HS3ST4: variants seen among roughly 807,000 people sequenced by gnomAD.
HS3ST4 encodes heparan sulfate-glucosamine 3-sulfotransferase 4, also known as heparan sulfate glucosamine 3-O-sulfotransferase 4.
A neutral mutation model predicts 29.2 loss-of-function variants in HS3ST4; 17 were observed. That is an observed-to-expected ratio of 0.58 (90% CI 0.40 to 0.87). The LOEUF (loss-of-function observed/expected upper bound fraction) is 0.87. Among genes scored for constraint, HS3ST4 ranks in the 40% least tolerant of loss-of-function variants. HS3ST4 has a pLI of 0.00. For missense variants in HS3ST4, 627 were observed against 634.5 expected, an observed-to-expected ratio of 0.99 and a Z score of 0.13; for synonymous variants, 314 against 285.7, an observed-to-expected ratio of 1.10 and a Z score of -1.00.
chr16:26,081,287 C>CAAAAA (rs11305983), intron 1 of HS3ST4, among the ~76,000 whole-genome samples: 1 of 131,026 alleles, frequency 7.6e-6, no homozygotes. Flanking sequence ...AATCCTGTCT[C>CAAAAA]AAAAAAAAAA....
chr16:26,035,431 C>A (rs894900941), intron 1 of HS3ST4, among the ~76,000 whole-genome samples: 2 of 152,214 alleles, frequency 1.3e-5, no homozygotes, highest in Non-Finnish European at 2.9e-5. Context: ...CAAAATATCC[C>A]AAACTGAAGC....
intron 1 of HS3ST4, among the ~76,000 whole-genome samples, chr16:26,059,166 G>A (rs1898445428): frequency 6.6e-6 from 1 of 152,214 alleles, no homozygotes; most frequent in African/African-American, 2.4e-5. Flanking sequence ...CGATGGCAGA[G>A]TGGAGGCGAG....
chr16:25,998,991 T>C (rs930670835), intron 1 of HS3ST4, among the ~76,000 whole-genome samples: 2 of 152,180 alleles, frequency 1.3e-5, no homozygotes, highest in East Asian at 1.9e-4. Flanking sequence ...AGAAGGTATG[T>C]TTTTTTAAGT....
At chr16:25,868,289 C>A (rs1279331008) in intron 1 of HS3ST4, among the ~76,000 whole-genome samples, 2 of 152,014 alleles carry the variant, frequency 1.3e-5, no homozygotes, top group Non-Finnish European at 2.9e-5. Flanking sequence ...GACTTCTATG[C>A]CAAAAAGCTG....
chr16:25,735,630 G>A (rs118167402), intron 1 of HS3ST4, among the ~76,000 whole-genome samples: 61 of 152,268 alleles, frequency 4.0e-4, no homozygotes, highest in East Asian at 1.4e-3. Context: ...GTCTCAAGCA[G>A]TCCTCCTGCC....
chr16:25,924,536 T>G (rs1047605204), intron 1 of HS3ST4, among the ~76,000 whole-genome samples: 2 of 152,220 alleles, frequency 1.3e-5, no homozygotes, highest in Non-Finnish European at 2.9e-5. Context: ...TGGTACTTGT[T>G]GTATACCAGG....
chr16:26,055,386 T>C (rs887892900), intron 1 of HS3ST4, among the ~76,000 whole-genome samples: 1 of 152,098 alleles, frequency 6.6e-6, no homozygotes, highest in African/African-American at 2.4e-5. Flanking sequence ...ACTCAAGCAA[T>C]GATGATAATT....
At chr16:25,979,655 A>G (rs926177568) in intron 1 of HS3ST4, among the ~76,000 whole-genome samples, 35 of 152,180 alleles carry the variant, frequency 2.3e-4, no homozygotes, top group African/African-American at 8.2e-4. Flanking sequence ...TTATTTCATT[A>G]TATATTACAA....
At chr16:26,014,863 AT>A (rs1295909094) in intron 1 of HS3ST4, among the ~76,000 whole-genome samples, 1 of 152,154 alleles carries the variant, frequency 6.6e-6, no homozygotes, top group African/African-American at 2.4e-5. Flanking sequence ...TTGAATTAGG[AT>A]TTGAACTCAT....
chr16:25,819,022 A>C (rs1332988310), intron 1 of HS3ST4, among the ~76,000 whole-genome samples: 1 of 152,146 alleles, frequency 6.6e-6, no homozygotes, highest in Non-Finnish European at 1.5e-5. Context: ...CCTGCATGGA[A>C]GTCAGGGAAA....
At chr16:26,091,235 C>CTTTT in intron 1 of HS3ST4, among the ~76,000 whole-genome samples, 1 of 152,248 alleles carries the variant, frequency 6.6e-6, no homozygotes, top group East Asian at 1.9e-4. Context: ...TTTTCCTTGC[C>CTTTT]TGTAATGTTT....
intron 1 of HS3ST4, among the ~76,000 whole-genome samples, chr16:25,819,301 C>T (rs1967124131): frequency 1.3e-5 from 2 of 152,178 alleles, no homozygotes; most frequent in Admixed American, 1.3e-4. Flanking sequence ...CACTCTCCTA[C>T]AACATCCAAG....
intron 1 of HS3ST4, among the ~76,000 whole-genome samples, chr16:26,125,414 T>C (rs916115662): frequency 6.6e-6 from 1 of 152,214 alleles, no homozygotes; most frequent in Non-Finnish European, 1.5e-5. Context: ...CACACTCCTA[T>C]GAGAATCTAA....
At chr16:25,881,095 A>G (rs1435136808) in intron 1 of HS3ST4, among the ~76,000 whole-genome samples, 1 of 152,212 alleles carries the variant, frequency 6.6e-6, no homozygotes, top group Non-Finnish European at 1.5e-5. Flanking sequence ...ATCATTGAAG[A>G]ACAGGCTGGA....
chr16:25,932,860 C>A (rs1968479231), intron 1 of HS3ST4, among the ~76,000 whole-genome samples: 1 of 152,210 alleles, frequency 6.6e-6, no homozygotes, highest in Non-Finnish European at 1.5e-5. Context: ...TAAACCTAGA[C>A]ATTTTCCAGA....
At chr16:25,806,058 A>G (rs1180413328) in intron 1 of HS3ST4, among the ~76,000 whole-genome samples, 1 of 152,156 alleles carries the variant, frequency 6.6e-6, no homozygotes, top group Non-Finnish European at 1.5e-5. Context: ...ATGGCTACAT[A>G]GTATTTCATG....
intron 1 of HS3ST4, among the ~76,000 whole-genome samples, chr16:25,851,876 G>GAA (rs10636737): frequency 0.98 from 149,409 of 152,248 alleles, 73,321 homozygotes; most frequent in East Asian, 1. Flanking sequence ...CGACACTTTC[G>GAA]AAGTTATTAA....
At chr16:25,707,873 A>C (rs531648222) in intron 1 of HS3ST4, among the ~76,000 whole-genome samples, 1 of 152,288 alleles carries the variant, frequency 6.6e-6, no homozygotes, top group South Asian at 2.1e-4. Context: ...GTCTCTGCTC[A>C]ATCATCTTAT....
At chr16:25,943,598 A>C (rs939473344) in intron 1 of HS3ST4, among the ~76,000 whole-genome samples, 2 of 152,180 alleles carry the variant, frequency 1.3e-5, no homozygotes, top group African/African-American at 4.8e-5. Flanking sequence ...GTAAAAGCAA[A>C]ATTATTCTTG....
Sources: allele counts gnomAD v4.1 joint callset (sites outside exome capture counted in the v4.1 genomes callset), GRCh38; gene constraint gnomAD v4.1.1; transcripts MANE v1.5; gene names NCBI Gene and HGNC (gene_info 2026-07-23, HGNC 2026-07-21).